Variants in PTPRE observed in about 807,000 individuals in gnomAD.
PTPRE encodes protein tyrosine phosphatase receptor type E, also known as receptor-type tyrosine-protein phosphatase epsilon.
In PTPRE, 51 loss-of-function variants were observed where a neutral mutation model predicts 102.0. That is an observed-to-expected ratio of 0.50 (90% CI 0.40 to 0.63). PTPRE has a LOEUF of 0.63. Among genes scored for constraint, PTPRE ranks in the 30% least tolerant of loss-of-function variants. PTPRE has a pLI of 0.00. For synonymous variants in PTPRE, 345 were observed against 348.2 expected, an observed-to-expected ratio of 0.99 and a Z score of 0.10; for missense variants, 752 against 915.1, an observed-to-expected ratio of 0.82 and a Z score of 2.30.
intron 1 of PTPRE, among the ~76,000 whole-genome samples, chr10:127,950,928 C>T (rs961535970): frequency 6.6e-6 from 1 of 152,006 alleles, no homozygotes; most frequent in Admixed American, 6.6e-5. Context: ...AACCCCATCT[C>T]TACTAAAAAT....
chr10:128,035,401 G>A (rs1464050927), intron 2 of PTPRE, among the ~76,000 whole-genome samples: 1 of 152,032 alleles, frequency 6.6e-6, no homozygotes, highest in Non-Finnish European at 1.5e-5. Flanking sequence ...CAAATCATTG[G>A]TCAATAAATG....
At chr10:127,913,680 C>T (rs938307083) in intron 1 of PTPRE, among the ~76,000 whole-genome samples, 37 of 152,150 alleles carry the variant, frequency 2.4e-4, no homozygotes, top group South Asian at 2.1e-4. Context: ...GGGTCGGGAA[C>T]GCACCCACCA....
chr10:128,023,098 AGAT>A (rs906867010), intron 2 of PTPRE, among the ~76,000 whole-genome samples: 1 of 152,204 alleles, frequency 6.6e-6, no homozygotes, highest in African/African-American at 2.4e-5. Context: ...AGAGTGAACA[AGAT>A]AGTTTGAGAG....
intron 18 of PTPRE, among the ~76,000 whole-genome samples, chr10:128,077,008 G>T (rs548107264): frequency 6.6e-6 from 1 of 152,308 alleles, no homozygotes; most frequent in Non-Finnish European, 1.5e-5. Context: ...AGCCACAGGG[G>T]CCTCTCTGGG....
intron 2 of PTPRE, among the ~76,000 whole-genome samples, chr10:127,985,091 G>C (rs1171171262): frequency 1.3e-5 from 2 of 152,252 alleles, no homozygotes; most frequent in Non-Finnish European, 2.9e-5. Flanking sequence ...ACCTTGGGCA[G>C]GGCGGCTAAG....
At position 128,027,162 on chromosome 10, in the gene PTPRE, G is replaced by A. The variant is rs193211004; in HGVS notation, c.-7-13713G>A. Among the ~76,000 whole-genome samples the A allele has an allele frequency of 2.1e-3, 321 of 152,302 alleles. 1 individual carries two copies. The highest frequency in any genetic ancestry group is 6.9e-3 in the African/African-American group (287 of 41,566). ...ATGAGGTGACGCTTAGGTTAGAAGC[G>A]CTTAGCACAGGGCCTGGTGTGTACT... On this transcript the variant is annotated intron_variant, in intron 2 of 20. Transcript: ENST00000254667.
intron 2 of PTPRE, among the ~76,000 whole-genome samples, chr10:128,026,600 T>G (rs1242796607): frequency 6.6e-6 from 1 of 152,202 alleles, no homozygotes; most frequent in Non-Finnish European, 1.5e-5. Context: ...CTGTTTCCCC[T>G]CCCACTTTTT....
intron 2 of PTPRE, among the ~76,000 whole-genome samples, chr10:128,015,265 C>T (rs946976960): frequency 5.3e-5 from 8 of 152,160 alleles, no homozygotes; most frequent in Admixed American, 1.3e-4. Flanking sequence ...AGAATGGGGC[C>T]GGGCCTCGTG....
At chr10:127,936,663 T>G (rs1245999660) in intron 1 of PTPRE, among the ~76,000 whole-genome samples, 1 of 152,070 alleles carries the variant, frequency 6.6e-6, no homozygotes. Context: ...CTTGCAGTAA[T>G]CCCATAAGGG....
intron 16 of PTPRE, chr10:128,072,497 CA>C: frequency 3.7e-6 from 1 of 270,694 alleles, no homozygotes; most frequent in Non-Finnish European, 7.0e-6. Context: ...ACTAAAAATA[CA>C]AAAATTAGCT....
intron 20 of PTPRE, among the ~76,000 whole-genome samples, chr10:128,082,195 C>CTTTTTTTTTTTTTTTTT (rs35709074): frequency 3.4e-5 from 3 of 89,036 alleles, no homozygotes; most frequent in African/African-American, 9.1e-5. Flanking sequence ...TTTTCTCTTT[C>CTTTTTTTTTTTTTTTTT]TTTTTTTTTT....
chr10:127,929,981 C>T (rs1291705202), intron 1 of PTPRE, among the ~76,000 whole-genome samples: 3 of 148,088 alleles, frequency 2.0e-5, no homozygotes, highest in South Asian at 2.1e-4. Context: ...TGCTTGAACC[C>T]GAGAGGCGAG....
At chr10:127,972,369 AC>A (rs1370280369) in intron 1 of PTPRE, among the ~76,000 whole-genome samples, 4 of 152,130 alleles carry the variant, frequency 2.6e-5, no homozygotes, top group Non-Finnish European at 4.4e-5. Flanking sequence ...CCTCTTATTG[AC>A]CACGTGACTT....
chr10:128,018,938 A>G, intron 2 of PTPRE, among the ~76,000 whole-genome samples: 1 of 152,198 alleles, frequency 6.6e-6, no homozygotes, highest in South Asian at 2.1e-4. Context: ...GTTTCAGCCC[A>G]TTTCTACAGA....
intron 2 of PTPRE, among the ~76,000 whole-genome samples, chr10:128,021,530 C>G (rs1363900713): frequency 5.3e-5 from 8 of 152,234 alleles, no homozygotes; most frequent in Non-Finnish European, 1.2e-4. Flanking sequence ...AGAACATGAG[C>G]TCTCAGAAAA....
chr10:128,009,834 A>G (rs539240829), intron 2 of PTPRE, among the ~76,000 whole-genome samples: 27 of 152,362 alleles, frequency 1.8e-4, no homozygotes, highest in African/African-American at 6.3e-4. Context: ...TATGAAGACA[A>G]CAACATTTCT....
At chr10:128,030,725 G>A (rs944386061) in intron 2 of PTPRE, among the ~76,000 whole-genome samples, 5 of 152,176 alleles carry the variant, frequency 3.3e-5, no homozygotes, top group Admixed American at 2.0e-4. Flanking sequence ...TGAACACTGA[G>A]GGTTGGCGTT....
chr10:128,082,276 C>A (rs1448162499), intron 20 of PTPRE, among the ~76,000 whole-genome samples: 1 of 128,462 alleles, frequency 7.8e-6, no homozygotes, highest in Admixed American at 9.5e-5. Flanking sequence ...TGCAGTGGCA[C>A]AATCTTGGCT....
intron 2 of PTPRE, among the ~76,000 whole-genome samples, chr10:128,032,790 G>A (rs10764736): frequency 0.46 from 69,248 of 152,052 alleles, 16,207 homozygotes; most frequent in East Asian, 0.62. Flanking sequence ...TTTGCAGGAA[G>A]TCAGTACAAC....
Sources: allele counts gnomAD v4.1 joint callset (sites outside exome capture counted in the v4.1 genomes callset), GRCh38; gene constraint gnomAD v4.1.1; transcripts MANE v1.5; gene names NCBI Gene and HGNC (gene_info 2026-07-23, HGNC 2026-07-21).